AGT: variants seen among roughly 807,000 people sequenced by gnomAD.
AGT encodes alpha-1 antiproteinase, antitrypsin.
Under a neutral mutation model 28.1 loss-of-function variants are expected in AGT, and 26 were observed. The ratio of observed to expected loss-of-function variants is 0.92; its 90% CI spans 0.68 to 1.28. The LOEUF (loss-of-function observed/expected upper bound fraction) is 1.28. Among genes scored for constraint, AGT ranks in the 50% most tolerant of loss-of-function variants. AGT has a pLI of 0.00. For missense variants in AGT, 596 were observed against 592.3 expected (o/e 1.01, Z -0.06); for synonymous variants, 259 against 259.6 (o/e 1.00, Z 0.02).
In AGT at chr1:230,706,049, G is replaced by A. The variant is rs779058475; in HGVS notation, c.981C>T (p.Phe327=). The change falls in exon 3 of 5, where the codon TTC becomes TTT. Residue 327 remains phenylalanine, a synonymous_variant. Coordinates refer to ENST00000366667, the MANE Select transcript of AGT (RefSeq NM_001384479.1). ...TCAGCAGCAGGCAGGCGCTCTCAGT[G>A]AAGGGCACTTGAGTCACCGAGAAGT... ...QDNFSVTQVP[F]TESACLLLIQ... 6.2e-7 allele frequency: 1 copy of A among 1,614,204 alleles called. No homozygotes were observed. The highest frequency in any genetic ancestry group is 8.5e-7 in the Non-Finnish European group (1 of 1,180,044).
chr1:230,739,685 A>G (rs1350734697), intron 1 of AGT, among the ~76,000 whole-genome samples: 2 of 152,206 alleles, frequency 1.3e-5, no homozygotes, highest in African/African-American at 2.4e-5. Flanking sequence ...CCGTAAGGAA[A>G]GAAGCTGGTT....
intron 1 of AGT, among the ~76,000 whole-genome samples, chr1:230,743,021 T>C (rs1390223753): frequency 6.6e-6 from 1 of 152,142 alleles, no homozygotes; most frequent in Non-Finnish European, 1.5e-5. Context: ...AGATGGAGTC[T>C]CGCTCCTCGC....
In AGT at chr1:230,702,844, A is replaced by G; in HGVS notation, c.*297T>C. On this transcript the variant is annotated 3_prime_UTR_variant, in exon 5 of 5. Coordinates refer to ENST00000366667, the MANE Select transcript of AGT (RefSeq NM_001384479.1). The stretch of plus-strand genomic sequence containing the variant: ...GGTCGGTTGGAATTCTTTTTGGAAC[A>G]GTAGTCCCGCGCTAAACACTGGTTC... 1 of 383,754 alleles carries G rather than the reference A, an allele frequency of 2.6e-6. No individual in the cohort carries two copies. The highest frequency in any genetic ancestry group is 4.8e-6 in the Non-Finnish European group (1 of 210,514). 23.8% of individuals were successfully genotyped at this position (383,754 alleles called of 1,614,324 possible). A position where few individuals can be genotyped will look rare whatever the true frequency, so the allele number is the denominator to read the frequency against.
intron 1 of AGT, among the ~76,000 whole-genome samples, chr1:230,713,002 A>T (rs554781252): frequency 6.6e-6 from 1 of 151,974 alleles, no homozygotes; most frequent in African/African-American, 2.4e-5. Flanking sequence ...CACTGTTCTC[A>T]TATCAACCCC....
At chr1:230,712,559 A>G (rs1441231871) in intron 1 of AGT, among the ~76,000 whole-genome samples, 1 of 152,184 alleles carries the variant, frequency 6.6e-6, no homozygotes, top group Non-Finnish European at 1.5e-5. Context: ...AGTCACATCA[A>G]ATCAGGTCAA....
chr1:230,742,015 C>T (rs1420979150), intron 1 of AGT, among the ~76,000 whole-genome samples: 2 of 152,140 alleles, frequency 1.3e-5, no homozygotes, highest in Non-Finnish European at 2.9e-5. Context: ...ATGATCATGT[C>T]ACTGCACTCC....
intron 1 of AGT, among the ~76,000 whole-genome samples, chr1:230,730,566 C>T (rs1323166415): frequency 6.6e-6 from 1 of 152,126 alleles, no homozygotes; most frequent in Non-Finnish European, 1.5e-5. Context: ...AGTTACTGTC[C>T]GTCTTGAAAA....
intron 1 of AGT, among the ~76,000 whole-genome samples, chr1:230,719,675 G>A (rs761516886): frequency 2.2e-4 from 34 of 152,046 alleles, no homozygotes; most frequent in Non-Finnish European, 4.0e-4. Flanking sequence ...CCAAAGTGCC[G>A]GAATTACAGG....
rs559578138 is a variant in AGT at position 230,727,381 on chromosome 1, A to T, written c.-30-16528T>A. ...CCAGATGTCCTCCCAGGAGGAAAATATCCAACTGCCCTCACTGCACTAGTC... is the reference window on the plus strand; with the variant it reads ...CCAGATGTCCTCCCAGGAGGAAAATTTCCAACTGCCCTCACTGCACTAGTC... On this transcript the variant is annotated intron_variant, in intron 1 of 4. Transcript: ENST00000681269. Among the ~76,000 whole-genome samples the T allele has an allele frequency of 3.9e-5, 6 of 152,348 alleles. No individual in the cohort carries two copies. The South Asian group carries it at 6.2e-4, about 16-fold the overall frequency.
intron 1 of AGT, among the ~76,000 whole-genome samples, chr1:230,732,007 C>T (rs569960295): frequency 3.3e-5 from 5 of 152,220 alleles, no homozygotes; most frequent in East Asian, 1.9e-4. Flanking sequence ...AAATTTCACC[C>T]GTCTGATGAC....
chr1:230,745,394 A>G (rs1558298106), intron 1 of AGT, among the ~76,000 whole-genome samples: 1 of 152,216 alleles, frequency 6.6e-6, no homozygotes, highest in East Asian at 1.9e-4. Flanking sequence ...GACAGACAGC[A>G]TGGATAACTC....
intron 1 of AGT, among the ~76,000 whole-genome samples, chr1:230,744,690 G>A (rs1203676596): frequency 6.6e-6 from 1 of 152,178 alleles, no homozygotes; most frequent in Non-Finnish European, 1.5e-5. Flanking sequence ...GAAAAAGGCA[G>A]GTTCTTCCAA....
intron 1 of AGT, among the ~76,000 whole-genome samples, chr1:230,745,283 C>A (rs1202344767): frequency 2.6e-5 from 4 of 152,150 alleles, no homozygotes; most frequent in African/African-American, 9.7e-5. Flanking sequence ...AGCTCCTGAT[C>A]CCCTCCATGT....
At chr1:230,742,573 C>T (rs1232219045) in intron 1 of AGT, among the ~76,000 whole-genome samples, 1 of 152,192 alleles carries the variant, frequency 6.6e-6, no homozygotes, top group East Asian at 1.9e-4. Context: ...CCTTAGCCTC[C>T]CAAAGTGCTG....
intron 1 of AGT, among the ~76,000 whole-genome samples, chr1:230,745,354 G>T (rs756333664): frequency 6.6e-6 from 1 of 152,158 alleles, no homozygotes; most frequent in Admixed American, 6.6e-5. Flanking sequence ...AGGCAGCACC[G>T]ATTATCCTGA....
rs141203360 is a variant in AGT, at chr1:230,735,750, A to T, written c.-31+9765T>A. On this transcript the variant is annotated intron_variant, in intron 1 of 4. Transcript: ENST00000681269. ...TCAGGTGACTGCATCCTCCCCCATC[A>T]GCTCCCATCCCGCCCTCCTTCCTGA... Among the ~76,000 whole-genome samples, 1,109 of 151,766 alleles carry T rather than the reference A, an allele frequency of 7.3e-3. 11 individuals carry two copies. The highest frequency in any genetic ancestry group is 0.025 in the African/African-American group (1,052 of 41,376).
In AGT at chr1:230,702,705, T is replaced by C. The variant is rs988505944; in HGVS notation, c.*436A>G. Reference sequence around the variant, plus strand: ...ACTACACGGAGGTCATGTTCTTACATTCAAGACACTAAATACAAACCGAAG... The same window carrying C: ...ACTACACGGAGGTCATGTTCTTACACTCAAGACACTAAATACAAACCGAAG... On this transcript the variant is annotated 3_prime_UTR_variant, in exon 5 of 5. Coordinates refer to ENST00000366667, the MANE Select transcript of AGT (RefSeq NM_001384479.1). 8 of 211,478 alleles carry C rather than the reference T, an allele frequency of 3.8e-5. No homozygotes were observed. The highest frequency in any genetic ancestry group is 1.1e-4 in the African/African-American group (5 of 43,910). 13.1% of individuals were successfully genotyped at this position (211,478 alleles called of 1,614,324 possible).
chr1:230,709,302 C>T (rs1158861838), intron 2 of AGT, among the ~76,000 whole-genome samples: 5 of 152,144 alleles, frequency 3.3e-5, no homozygotes, highest in African/African-American at 1.2e-4. Flanking sequence ...GGTGCAGTGG[C>T]TCACACCTTT....
chr1:230,716,877 G>GTAT (rs1663748058), upstream of AGT, among the ~76,000 whole-genome samples: 1 of 151,878 alleles, frequency 6.6e-6, no homozygotes, highest in African/African-American at 2.4e-5. Context: ...AGAGCATGAT[G>GTAT]TATTAGTCAG....
Sources: gnomAD v4.1 joint callset for allele counts (sites outside exome capture counted in the v4.1 genomes callset) on GRCh38, gnomAD v4.1.1 for gene constraint, MANE v1.5 for transcripts, NCBI Gene and HGNC (gene_info 2026-07-23, HGNC 2026-07-21) for gene names.